Variants in PRF1 observed in about 807,000 individuals in gnomAD.
PRF1 encodes perforin 1.
A neutral mutation model predicts 11.7 loss-of-function variants in PRF1; 11 were observed. That is an observed-to-expected ratio of 0.94 (90% CI 0.59 to 1.56). The LOEUF is 1.56. PRF1 is among the 40% of genes most tolerant of loss of function. PRF1 has a pLI of 0.00. For missense variants in PRF1, 729 were observed against 751.0 expected (o/e 0.97, Z 0.34); for synonymous variants, 314 against 327.8 (o/e 0.96, Z 0.45).
In PRF1 at chr10:70,600,309, CA is replaced by C; in HGVS notation, c.539+54del. Reference sequence around the variant, plus strand: ...CTCTGCCTTTCCAGGGCTCCTAGACCACCCAGAGTTTCCCGCGCCTTTTCCA... The same window carrying C: ...CTCTGCCTTTCCAGGGCTCCTAGACCCCCAGAGTTTCCCGCGCCTTTTCCA... On this transcript the variant is annotated intron_variant, in intron 2 of 2. Coordinates refer to ENST00000441259, the MANE Select transcript of PRF1 (RefSeq NM_001083116.3). The surrounding 1 kb of genome is among the most constrained non-coding windows in gnomAD (Gnocchi z 4.9). The C allele has an allele frequency of 8.7e-6, 14 of 1,606,908 alleles. No homozygotes were observed. The highest frequency in any genetic ancestry group is 1.2e-5 in the Non-Finnish European group (14 of 1,177,798).
In PRF1 at chr10:70,598,342, A is replaced by T; in HGVS notation, c.1379T>A (p.Ile460Asn). ...CCCAAAATCCAGCCGCACTGACCAG[A>T]TGGGGTTGTTATTGTCCCACACGGT... is the stretch of plus-strand genomic sequence containing the variant. ...TSTVWDNNNP[I>N]WSVRLDFGDV... The change falls in exon 3 of 3, where the codon ATC (isoleucine) becomes AAC (asparagine). Residue 460 changes from isoleucine to asparagine, a missense_variant. Physicochemically the swap from Ile to Asn is moderately radical, Grantham distance 149 (BLOSUM62 -3). Transcript: ENST00000441259. 6.2e-7 allele frequency: 1 copy of T among 1,614,074 alleles called. No homozygotes were observed. The highest frequency in any genetic ancestry group is 8.5e-7 in the Non-Finnish European group (1 of 1,180,012).
In PRF1 at chr10:70,598,477, G is replaced by A; in HGVS notation, c.1244C>T (p.Ala415Val). The A allele has an allele frequency of 6.2e-7, 1 of 1,613,594 alleles. No homozygotes were observed. Among genetic ancestry groups the A allele is most frequent in the Non-Finnish European group, 8.5e-7 (1 of 1,180,016 alleles). ...QDCCPRQRGL[A>V]QLEVTFIQAW... ...TTGGATGAAGGTCACCTCCAGCTGG[G>A]CCAGGCCCCTCTGCCGAGGGCAGCA... The change falls in exon 3 of 3, where the codon GCC (alanine) becomes GTC (valine). Residue 415 changes from alanine to valine, a missense_variant. By Grantham distance (64) the Ala-to-Val change is moderately conservative. Transcript: ENST00000441259.
At chr10:70,601,505 G>A (rs1848229202) in intron 1 of PRF1, among the ~76,000 whole-genome samples, 1 of 151,946 alleles carries the variant, frequency 6.6e-6, no homozygotes, top group Non-Finnish European at 1.5e-5. Flanking sequence ...GAGCTTTATG[G>A]AATAACATCA....
rs1342253892 is a variant in PRF1, at chr10:70,600,817, G to A, written c.86C>T (p.Ser29Leu). 27 of 1,612,610 alleles carry A rather than the reference G, an allele frequency of 1.7e-5. No individual in the cohort carries two copies. Among genetic ancestry groups the A allele is most frequent in the Non-Finnish European group, 2.3e-5 (27 of 1,179,416 alleles). Residue 29 changes from serine to leucine, a missense_variant, in exon 2 of 3, where the codon TCA becomes TTA. Coordinates refer to ENST00000441259, the MANE Select transcript of PRF1 (RefSeq NM_001083116.3). This position sits in a 1 kb window ranked among gnomAD's most constrained non-coding sequence, Gnocchi z 4.9. Reference sequence around the variant, plus strand: ...GAACTTGTGGCTGCGCTTGCACTCTGAGCGTGCGGCTGTGTGGCACGGGGC... The same window carrying A: ...GAACTTGTGGCTGCGCTTGCACTCTAAGCGTGCGGCTGTGTGGCACGGGGC... ...VPAPCHTAAR[S>L]ECKRSHKFVP...
rs756358874 is a variant in PRF1 at position 70,598,641 on chromosome 10, C to T, written c.1080G>A (p.Leu360=). 5 of 1,613,376 alleles carry T rather than the reference C, an allele frequency of 3.1e-6. No homozygotes were observed. The African/African-American group carries it at 6.7e-5, about 22-fold the overall frequency. ...TCAGGTACTGACTCAGGGCCCTCCT[C>T]AGTGCCTCCCGCCGCGGGTCCTGGC... is the stretch of plus-strand genomic sequence containing the variant. ...LDSQDPRREA[L]RRALSQYLTD... The change falls in exon 3 of 3, where the codon CTG becomes CTA. Residue 360 remains leucine (L), a synonymous_variant. Coordinates refer to ENST00000441259, the MANE Select transcript of PRF1 (RefSeq NM_001083116.3).
chr10:70,598,616 TCA>T lies in PRF1; in HGVS notation c.1103_1104del (p.Leu368HisfsTer89), dbSNP rs1848167150. 6.2e-7 allele frequency: 1 copy of T among 1,612,728 alleles called. No homozygotes were observed. The highest frequency in any genetic ancestry group is 2.2e-5 in the East Asian group (1 of 44,874). ...CAGTCCCTCCAGCGAGCCCTGTCCG[TCA>T]GGTACTGACTCAGGGCCCTCCTCAG... ...EALRRALSQY[L>X]TDRARWRDCS... On this transcript the variant is annotated frameshift_variant, in exon 3 of 3. Transcript: ENST00000441259. LOFTEE classifies it low-confidence loss of function (END_TRUNC).
At position 70,600,337 on chromosome 10, in the gene PRF1, C is replaced by A. The variant is rs749772918; in HGVS notation, c.539+27G>T. 1.2e-6 allele frequency: 2 copies of A among 1,613,022 alleles called. No individual in the cohort carries two copies. Among genetic ancestry groups the A allele is most frequent in the Middle Eastern group, 1.7e-4 (1 of 6,056 alleles). ...CCAGAGTTTCCCGCGCCTTTTCCAG[C>A]CCCCCACCCCTAGCCCCAGCTCTCA... On this transcript the variant is annotated intron_variant, in intron 2 of 2. Transcript: ENST00000441259. The surrounding 1 kb of genome is among the most constrained non-coding windows in gnomAD (Gnocchi z 4.9).
rs768211924 is a variant in PRF1, at chr10:70,600,428, C to T, written c.475G>A (p.Ala159Thr). ...GSHSQAANFA[A>T]QKTHQDQYSF... Reference sequence around the variant, plus strand: ...TACTGGTCCTGGTGGGTCTTCTGGGCTGCAAAGTTGGCTGCCTGTGAGTGT... The same window carrying T: ...TACTGGTCCTGGTGGGTCTTCTGGGTTGCAAAGTTGGCTGCCTGTGAGTGT... The change falls in exon 2 of 3, where the codon GCC (alanine) becomes ACC (threonine). Residue 159 changes from alanine to threonine, a missense_variant. Coordinates refer to ENST00000441259, the MANE Select transcript of PRF1 (RefSeq NM_001083116.3). The surrounding 1 kb of genome is among the most constrained non-coding windows in gnomAD (Gnocchi z 4.9). 1.9e-6 allele frequency: 3 copies of T among 1,614,216 alleles called. No homozygotes were observed. The East Asian group carries it at 6.7e-5, about 36-fold the overall frequency.
At position 70,600,405 on chromosome 10, in the gene PRF1, C is replaced by T; in HGVS notation, c.498G>A (p.Gln166=). Reference sequence around the variant, plus strand: ...CCACCGTGTCAGTGCTGAAGCTGTACTGGTCCTGGTGGGTCTTCTGGGCTG... The same window carrying T: ...CCACCGTGTCAGTGCTGAAGCTGTATTGGTCCTGGTGGGTCTTCTGGGCTG... The part of the protein sequence containing the change: ...NFAAQKTHQD[Q]YSFSTDTVEC... The change falls in exon 2 of 3, where the codon CAG becomes CAA. Residue 166 remains glutamine, a synonymous_variant. Transcript: ENST00000441259. The surrounding 1 kb of genome is among the most constrained non-coding windows in gnomAD (Gnocchi z 4.9). 6.2e-7 allele frequency: 1 copy of T among 1,614,208 alleles called. No homozygotes were observed. Among genetic ancestry groups the T allele is most frequent in the South Asian group, 1.1e-5 (1 of 91,084 alleles).
chr10:70,598,657 G>A lies in PRF1; in HGVS notation c.1064C>T (p.Pro355Leu), dbSNP rs779488735. ...PLHVLLDSQD[P>L]RREALRRALS... ...GGCCCTCCTCAGTGCCTCCCGCCGC[G>A]GGTCCTGGCTGTCCAGCAGCACGTG... Residue 355 changes from proline to leucine, a missense_variant, in exon 3 of 3, where the codon CCG (proline) becomes CTG (leucine). Physicochemically the swap from Pro to Leu is moderately conservative, Grantham distance 98. Transcript: ENST00000441259. 6.8e-6 allele frequency: 11 copies of A among 1,613,742 alleles called. No individual in the cohort carries two copies. Among genetic ancestry groups the A allele is most frequent in the South Asian group, 3.3e-5 (3 of 91,072 alleles).
In PRF1 at chr10:70,598,971, C is replaced by T. The variant is rs772306087; in HGVS notation, c.750G>A (p.Thr250=). The stretch of plus-strand genomic sequence containing the variant: ...TCAGGCAGTCCTCCACCTCGTTGTC[C>T]GTGAGCCCTTCCAGGGCCAGCTCGC... The part of the protein sequence containing the change: ...RTCELALEGL[T]DNEVEDCLTV... The change falls in exon 3 of 3, where the codon ACG becomes ACA. Residue 250 remains threonine (T), a synonymous_variant. Transcript: ENST00000441259. The T allele has an allele frequency of 1.7e-5, 27 of 1,614,120 alleles. No individual in the cohort carries two copies. The highest frequency in any genetic ancestry group is 7.7e-5 in the South Asian group (7 of 91,088).
chr10:70,601,012 G>A, intron 1 of PRF1, 80 bp from the exon 2 acceptor site: 1 of 1,506,380 alleles, frequency 6.6e-7, no homozygotes, highest in Non-Finnish European at 8.9e-7. Flanking sequence ...ACATGGAAGG[G>A]GAGGGGCTGA....
Position 70,599,152 on chromosome 10 carries a change from T to C in PRF1, c.569A>G (p.His190Arg). 2 of 1,614,130 alleles carry C rather than the reference T, an allele frequency of 1.2e-6. No individual in the cohort carries two copies. Among genetic ancestry groups the C allele is most frequent in the Non-Finnish European group, 1.7e-6 (2 of 1,180,012 alleles). ...SFHVVHTPPL[H>R]PDFKRALGDL... ...CCCGAGGGCCCTCTTGAAGTCAGGGTGCAGCGGGGGAGTGTGTACCACATG... is the reference window on the plus strand; with the variant it reads ...CCCGAGGGCCCTCTTGAAGTCAGGGCGCAGCGGGGGAGTGTGTACCACATG... The change falls in exon 3 of 3, where the codon CAC becomes CGC. Residue 190 changes from histidine (H) to arginine (R), a missense_variant. Coordinates refer to ENST00000441259, the MANE Select transcript of PRF1 (RefSeq NM_001083116.3).
Position 70,598,956 on chromosome 10 carries a change from C to A in PRF1, c.765G>T (p.Glu255Asp), listed in dbSNP as rs749385286. 6.2e-7 allele frequency: 1 copy of A among 1,614,132 alleles called. No individual in the cohort carries two copies. The highest frequency in any genetic ancestry group is 8.5e-7 in the Non-Finnish European group (1 of 1,180,050). ...CCTGGGCCTCGACAGTCAGGCAGTC[C>A]TCCACCTCGTTGTCCGTGAGCCCTT... ...ALEGLTDNEV[E>D]DCLTVEAQVN... Residue 255 changes from glutamate (E) to aspartate (D), a missense_variant, in exon 3 of 3, where the codon GAG becomes GAT. Glu to Asp is a conservative substitution (Grantham distance 45, BLOSUM62 2). Transcript: ENST00000441259.
At chr10:70,601,577 C>T (rs76347344) in intron 1 of PRF1, among the ~76,000 whole-genome samples, 3,618 of 151,982 alleles carry the variant, frequency 0.024, 162 homozygotes, top group African/African-American at 0.083. Context: ...ACCTGTAAAC[C>T]GAACACTGTG....
At position 70,598,015 on chromosome 10, in the gene PRF1, C is replaced by T. The variant is rs571369275; in HGVS notation, c.*38G>A. On this transcript the variant is annotated 3_prime_UTR_variant, in exon 3 of 3. Transcript: ENST00000441259. ...CTGGCTCCCACTGTGAGAACCCCTT[C>T]AGTCCAAGCATACTGGTCCTTTCCA... The T allele has an allele frequency of 8.0e-5, 128 of 1,607,138 alleles. 3 individuals are homozygous for T. In the South Asian group the frequency reaches 1.3e-3, roughly 16 times the overall value.
chr10:70,599,993 G>A (rs765081813), intron 2 of PRF1, among the ~76,000 whole-genome samples: 1 of 152,228 alleles, frequency 6.6e-6, no homozygotes, highest in Non-Finnish European at 1.5e-5. Flanking sequence ...CGATGAGGAA[G>A]GATGACCCGG....
At position 70,598,710 on chromosome 10, in the gene PRF1, G is replaced by A; in HGVS notation, c.1011C>T (p.Gly337=). 1 of 1,614,216 alleles carries A rather than the reference G, an allele frequency of 6.2e-7. No individual in the cohort carries two copies. The highest frequency in any genetic ancestry group is 8.5e-7 in the Non-Finnish European group (1 of 1,180,046). The part of the protein sequence containing the change: ...AWVNSLPGSP[G]LVDYTLEPLH... Reference sequence around the variant, plus strand: ...GGGGTTCCAGGGTGTAGTCCACCAGGCCAGGGCTGCCGGGCAGCGAGTTTA... The same window carrying A: ...GGGGTTCCAGGGTGTAGTCCACCAGACCAGGGCTGCCGGGCAGCGAGTTTA... Residue 337 remains glycine, a synonymous_variant, in exon 3 of 3, where the codon GGC becomes GGT. Transcript: ENST00000441259.
Position 70,598,434 on chromosome 10 carries a change from C to A in PRF1, c.1287G>T (p.Gly429=). 1 of 1,613,844 alleles carries A rather than the reference C, an allele frequency of 6.2e-7. No individual in the cohort carries two copies. Residue 429 remains glycine (G), a synonymous_variant, in exon 3 of 3, where the codon GGG becomes GGT. Transcript: ENST00000441259. ...AGGCATCCGTGGCAGTGAACCAGTCCCCCCACAGGCCCCATGCTTGGATGA... is the reference window on the plus strand; with the variant it reads ...AGGCATCCGTGGCAGTGAACCAGTCACCCCACAGGCCCCATGCTTGGATGA... ...VTFIQAWGLW[G]DWFTATDAYV...
Sources: allele counts gnomAD v4.1 joint callset (sites outside exome capture counted in the v4.1 genomes callset), GRCh38; gene constraint gnomAD v4.1.1; non-coding constraint Gnocchi (gnomAD v3.1); transcripts MANE v1.5; gene names NCBI Gene and HGNC (gene_info 2026-07-23, HGNC 2026-07-21).